The following PDGFD variants were observed in gnomAD, a reference collection of about 807,000 sequenced individuals.
PDGFD encodes platelet derived growth factor D.
In PDGFD, 30 loss-of-function variants were observed where a neutral mutation model predicts 44.7. The ratio of observed to expected loss-of-function variants is 0.67; its 90% CI spans 0.50 to 0.91. The LOEUF (loss-of-function observed/expected upper bound fraction) is 0.91, where lower values mean the gene tolerates loss of function less well. Among genes scored for constraint, PDGFD ranks in the 40% least tolerant of loss-of-function variants. The probability of loss-of-function intolerance (pLI) is 0.00; values close to 1 mark genes in which losing one functional copy is unlikely to be tolerated. For missense variants in PDGFD, 445 were observed against 457.8 expected, an observed-to-expected ratio of 0.97 and a Z score of 0.25; for synonymous variants, 173 against 168.4, an observed-to-expected ratio of 1.03 and a Z score of -0.21.
intron 1 of PDGFD, among the ~76,000 whole-genome samples, chr11:104,151,322 G>A (rs994016459): frequency 6.6e-5 from 10 of 152,118 alleles, no homozygotes; most frequent in African/African-American, 1.7e-4. Context: ...CTTTACACAC[G>A]CATGCAAGCT....
intron 1 of PDGFD, among the ~76,000 whole-genome samples, chr11:104,129,940 C>G (rs1160984754): frequency 6.9e-6 from 1 of 144,904 alleles, no homozygotes; most frequent in Non-Finnish European, 1.5e-5. Context: ...ACCAAGGAGG[C>G]AGAGGGTGCA....
intron 1 of PDGFD, among the ~76,000 whole-genome samples, chr11:104,136,245 G>A (rs1375563194): frequency 6.6e-6 from 1 of 152,124 alleles, no homozygotes; most frequent in Non-Finnish European, 1.5e-5. Flanking sequence ...GGCTATATAT[G>A]ACTGAATGCT....
At chr11:104,027,404 G>A (rs1211774088) in intron 1 of PDGFD, among the ~76,000 whole-genome samples, 2 of 152,084 alleles carry the variant, frequency 1.3e-5, no homozygotes, top group Non-Finnish European at 2.9e-5. Context: ...TCACTCCTAC[G>A]AGGAAAAAAT....
At chr11:104,139,488 A>G (rs1862053616) in intron 1 of PDGFD, among the ~76,000 whole-genome samples, 1 of 152,244 alleles carries the variant, frequency 6.6e-6, no homozygotes, top group Admixed American at 6.5e-5. Flanking sequence ...AAACTGAACT[A>G]GAAATAGGCT....
At chr11:104,008,942 A>G (rs1314243211) in intron 1 of PDGFD, among the ~76,000 whole-genome samples, 1 of 152,146 alleles carries the variant, frequency 6.6e-6, no homozygotes, top group African/African-American at 2.4e-5. Flanking sequence ...AGACATTTAA[A>G]GATAACAAAT....
At chr11:103,910,040 C>A (rs895352695) in intron 6 of PDGFD, among the ~76,000 whole-genome samples, 1 of 152,028 alleles carries the variant, frequency 6.6e-6, no homozygotes. Context: ...CAGAGTAATG[C>A]CCAGCATAAC....
intron 1 of PDGFD, among the ~76,000 whole-genome samples, chr11:104,141,388 G>A (rs867729914): frequency 7.0e-6 from 1 of 143,406 alleles, no homozygotes; most frequent in African/African-American, 2.8e-5. Context: ...ACGATACAGA[G>A]ATTTAATTTA....
intron 3 of PDGFD, among the ~76,000 whole-genome samples, chr11:103,955,009 A>C (rs901460999): frequency 1.3e-5 from 2 of 150,368 alleles, no homozygotes; most frequent in Non-Finnish European, 3.0e-5. Context: ...CTAAAAATAC[A>C]AAAAATTAGC....
At chr11:103,980,740 G>A (rs1859258544) in intron 3 of PDGFD, among the ~76,000 whole-genome samples, 2 of 151,998 alleles carry the variant, frequency 1.3e-5, no homozygotes, top group African/African-American at 4.8e-5. Flanking sequence ...TAGGATGTAG[G>A]AATGGGATTA....
At chr11:103,960,859 G>C (rs1293720137) in intron 3 of PDGFD, among the ~76,000 whole-genome samples, 1 of 151,978 alleles carries the variant, frequency 6.6e-6, no homozygotes, top group East Asian at 1.9e-4. Context: ...ATGGTAGAGA[G>C]AGAGAGAGAT....
intron 5 of PDGFD, among the ~76,000 whole-genome samples, chr11:103,941,366 G>A (rs896068820): frequency 1.3e-5 from 2 of 152,084 alleles, no homozygotes; most frequent in Non-Finnish European, 2.9e-5. Flanking sequence ...ATGAGGTGGT[G>A]TCTTAAGTGC....
chr11:103,967,230 G>C (rs1414961538), intron 3 of PDGFD, among the ~76,000 whole-genome samples: 1 of 152,078 alleles, frequency 6.6e-6, no homozygotes, highest in Non-Finnish European at 1.5e-5. Context: ...TCTGTATATT[G>C]CTTCCTTTCC....
chr11:104,099,150 T>C (rs1331575690), intron 1 of PDGFD, among the ~76,000 whole-genome samples: 1 of 152,150 alleles, frequency 6.6e-6, no homozygotes, highest in Non-Finnish European at 1.5e-5. Context: ...GAGCAATCAC[T>C]ACCCAGCTAA....
chr11:104,150,452 C>T (rs1049570613), intron 1 of PDGFD, among the ~76,000 whole-genome samples: 7 of 152,158 alleles, frequency 4.6e-5, no homozygotes, highest in African/African-American at 1.7e-4. Context: ...TGCAGTTCAA[C>T]TATTCCTTAT....
intron 1 of PDGFD, among the ~76,000 whole-genome samples, chr11:104,084,390 C>T (rs1191642693): frequency 6.6e-6 from 1 of 151,996 alleles, no homozygotes; most frequent in African/African-American, 2.4e-5. Flanking sequence ...TTAAAGAGAT[C>T]TGGGGACAAT....
chr11:103,956,961 C>T (rs2134333632), intron 3 of PDGFD, among the ~76,000 whole-genome samples: 1 of 152,200 alleles, frequency 6.6e-6, no homozygotes, highest in South Asian at 2.1e-4. Flanking sequence ...GATATTATCC[C>T]TTTGTCAGAT....
intron 1 of PDGFD, among the ~76,000 whole-genome samples, chr11:104,071,626 A>T (rs1356385339): frequency 6.6e-6 from 1 of 151,654 alleles, no homozygotes; most frequent in Admixed American, 6.6e-5. Flanking sequence ...ACTTTATTTA[A>T]ATTGCTTTTT....
chr11:104,137,384 A>T (rs1156291970), intron 1 of PDGFD, among the ~76,000 whole-genome samples: 1 of 152,096 alleles, frequency 6.6e-6, no homozygotes. Context: ...AAAAAAATGG[A>T]ATAAAGTAGA....
intron 1 of PDGFD, among the ~76,000 whole-genome samples, chr11:104,072,285 C>T (rs973837093): frequency 6.6e-6 from 1 of 151,704 alleles, no homozygotes; most frequent in African/African-American, 2.4e-5. Context: ...TAGTGTATTA[C>T]TTTTTCCACA....
Sources: allele counts gnomAD v4.1 joint callset (sites outside exome capture counted in the v4.1 genomes callset), GRCh38; gene constraint gnomAD v4.1.1; transcripts MANE v1.5; gene names NCBI Gene and HGNC (gene_info 2026-07-23, HGNC 2026-07-21).